The following YIPF4 variants were observed in gnomAD, a reference collection of about 807,000 sequenced individuals.
YIPF4 encodes the protein protein YIPF4.
YIPF4 carries 18 observed loss-of-function variants against 29.4 expected under a neutral mutation model. That is an observed-to-expected ratio of 0.61 (90% CI 0.42 to 0.91). The LOEUF (loss-of-function observed/expected upper bound fraction) is 0.91, where lower values mean the gene tolerates loss of function less well. Ranked by LOEUF, YIPF4 falls within the 40% of genes least tolerant of loss-of-function variation. YIPF4 has a pLI of 0.00. For missense variants in YIPF4, 279 were observed against 282.7 expected (o/e 0.99, Z 0.09); for synonymous variants, 115 against 104.7 (o/e 1.10, Z -0.60).
chr2:32,284,727 G>A (rs528543251), intron 1 of YIPF4, among the ~76,000 whole-genome samples: 3 of 152,150 alleles, frequency 2.0e-5, no homozygotes, highest in African/African-American at 7.2e-5. Context: ...GTATATCTGA[G>A]AACTGAAGAA....
chr2:32,292,820 C>A (rs896710373), intron 3 of YIPF4, among the ~76,000 whole-genome samples: 6 of 144,048 alleles, frequency 4.2e-5, no homozygotes, highest in Non-Finnish European at 7.5e-5. Context: ...GCCAAGATCA[C>A]GCCACTGCAC....
intron 4 of YIPF4, among the ~76,000 whole-genome samples, chr2:32,300,220 C>T (rs1001203381): frequency 6.6e-6 from 1 of 151,892 alleles, no homozygotes; most frequent in African/African-American, 2.4e-5. Context: ...GAGCCATGAT[C>T]GCAACATTGC....
intron 1 of YIPF4, among the ~76,000 whole-genome samples, chr2:32,283,776 G>T (rs1481037182): frequency 1.3e-5 from 2 of 150,250 alleles, no homozygotes. Flanking sequence ...GGAGTGCAAT[G>T]GCGCAATCTT....
Position 32,292,243 on chromosome 2 carries a change from A to T in YIPF4, c.300A>T (p.Pro100=), listed in dbSNP as rs1307814899. Residue 100 remains proline, a synonymous_variant, in exon 3 of 6, where the codon CCA becomes CCT. Coordinates refer to ENST00000238831, the MANE Select transcript of YIPF4 (RefSeq NM_032312.4). ...YKIRCVLMPM[P]SLGFNRQVVR... ...TCCGATGTGTTTTGATGCCAATGCC[A>T]TCACTTGGTTTTAATAGACAAGTGG... is the stretch of plus-strand genomic sequence containing the variant. 6.2e-7 allele frequency: 1 copy of T among 1,604,476 alleles called. No homozygotes were observed. The highest frequency in any genetic ancestry group is 1.1e-5 in the South Asian group (1 of 88,996).
At chr2:32,303,045 A>G (rs1300130626) in intron 5 of YIPF4, among the ~76,000 whole-genome samples, 1 of 152,092 alleles carries the variant, frequency 6.6e-6, no homozygotes, top group Non-Finnish European at 1.5e-5. Flanking sequence ...ACTTAACTAT[A>G]TTTTAGGGTT....
rs2031718034 is a variant in YIPF4, at chr2:32,311,662, G to A, written c.*6036G>A. On this transcript the variant is annotated 3_prime_UTR_variant, in exon 6 of 6. Coordinates refer to ENST00000238831, the MANE Select transcript of YIPF4 (RefSeq NM_032312.4). ...CAAGTTGTTAATACTTACGAAAAAA[G>A]GAAGCATTCCCACCTGTAATAATTT... is the stretch of plus-strand genomic sequence containing the variant. The A allele has an allele frequency of 1.3e-5, 2 of 152,168 alleles. No homozygotes were observed. The highest frequency in any genetic ancestry group is 4.1e-4 in the South Asian group (2 of 4,824). The allele number at this position is 152,168 out of a possible 1,614,324, so 9.4% of individuals were successfully genotyped here. A position where few individuals can be genotyped will look rare whatever the true frequency, so the allele number is the denominator to read the frequency against.
Position 32,306,353 on chromosome 2 carries a change from A to G in YIPF4, c.*727A>G, listed in dbSNP as rs2031581785. Reference sequence around the variant, plus strand: ...TTGAATGTCCAAACATCTGATTTAAAGTTTCTGTTTATCTTTCTGACCAAA... The same window carrying G: ...TTGAATGTCCAAACATCTGATTTAAGGTTTCTGTTTATCTTTCTGACCAAA... On this transcript the variant is annotated 3_prime_UTR_variant, in exon 6 of 6. Transcript: ENST00000238831. 3 of 985,770 alleles carry G rather than the reference A, an allele frequency of 3.0e-6. No individual in the cohort carries two copies. The highest frequency in any genetic ancestry group is 3.6e-6 in the Non-Finnish European group (3 of 829,878). The allele number at this position is 985,770 out of a possible 1,614,324, so 61.1% of individuals were successfully genotyped here. A position where few individuals can be genotyped will look rare whatever the true frequency, so the allele number is the denominator to read the frequency against.
Position 32,306,424 on chromosome 2 carries a change from A to G in YIPF4, c.*798A>G. 5.1e-6 allele frequency: 5 copies of G among 983,920 alleles called. No homozygotes were observed. Among genetic ancestry groups the G allele is most frequent in the South Asian group, 4.7e-5 (1 of 21,248 alleles). The allele number at this position is 983,920 out of a possible 1,614,324, so 60.9% of individuals were successfully genotyped here. On this transcript the variant is annotated 3_prime_UTR_variant, in exon 6 of 6. Transcript: ENST00000238831. ...TATGGCATTCATTAAAATCTTTACT[A>G]TGTACAAAAACAGTAATATTTACAG...
intron 1 of YIPF4, among the ~76,000 whole-genome samples, chr2:32,279,342 A>C (rs1288803243): frequency 2.0e-5 from 3 of 151,154 alleles, no homozygotes; most frequent in Non-Finnish European, 4.4e-5. Context: ...CTGCTATGAA[A>C]TCATAAATTA....
rs774902708 is a variant in YIPF4 at position 32,306,382 on chromosome 2, G to A, written c.*756G>A. On this transcript the variant is annotated 3_prime_UTR_variant, in exon 6 of 6. Transcript: ENST00000238831. ...TCTGTTTATCTTTCTGACCAAAGGA[G>A]CAAGAGGTATAATGGATATGGCATT... The A allele has an allele frequency of 2.2e-4, 213 of 985,538 alleles. No homozygotes were observed. The highest frequency in any genetic ancestry group is 1.0e-3 in the Middle Eastern group (2 of 1,934). The allele number at this position is 985,538 out of a possible 1,614,324, so 61.0% of individuals were successfully genotyped here.
intron 3 of YIPF4, among the ~76,000 whole-genome samples, chr2:32,294,559 C>G (rs1476296507): frequency 6.6e-6 from 1 of 151,292 alleles, no homozygotes; most frequent in Admixed American, 6.6e-5. Context: ...GGCGGCCGGG[C>G]AGAGACGCTC....
chr2:32,295,415 T>C (rs1171554901), intron 3 of YIPF4, among the ~76,000 whole-genome samples: 3 of 152,306 alleles, frequency 2.0e-5, no homozygotes, highest in African/African-American at 7.2e-5. Flanking sequence ...GAGTCCAAAA[T>C]GAGTCTTAAA....
intron 1 of YIPF4, among the ~76,000 whole-genome samples, chr2:32,286,186 A>G (rs1444548282): frequency 6.6e-6 from 1 of 152,182 alleles, no homozygotes; most frequent in African/African-American, 2.4e-5. Flanking sequence ...ACACACACAA[A>G]TGAGTGCATG....
intron 5 of YIPF4, 28 bp from the exon 6 acceptor site, chr2:32,305,461 C>A: frequency 6.9e-7 from 1 of 1,452,720 alleles, no homozygotes; most frequent in South Asian, 1.7e-5. Flanking sequence ...TAATATGCTG[C>A]CTTTTGTCTT....
chr2:32,303,715 C>G (rs2031482166), intron 5 of YIPF4, among the ~76,000 whole-genome samples: 1 of 152,184 alleles, frequency 6.6e-6, no homozygotes, highest in Admixed American at 6.5e-5. Context: ...ATTTTGAGAT[C>G]ATCTTTGTGT....
rs1459135675 is a variant in YIPF4, at chr2:32,310,082, C to T, written c.*4456C>T. 6.6e-6 allele frequency: 1 copy of T among 152,222 alleles called. No homozygotes were observed. Among genetic ancestry groups the T allele is most frequent in the Non-Finnish European group, 1.5e-5 (1 of 68,044 alleles). 9.4% of individuals were successfully genotyped at this position (152,222 alleles called of 1,614,324 possible). ...CAAGTCTTAACAGAGCTAAAAATCA[C>T]CCTTACCCAATTCTCTGCACTGACA... On this transcript the variant is annotated 3_prime_UTR_variant, in exon 6 of 6. Coordinates refer to ENST00000238831, the MANE Select transcript of YIPF4 (RefSeq NM_032312.4).
intron 2 of YIPF4, 105 bp from the exon 3 acceptor site, chr2:32,292,072 T>G: frequency 3.0e-5 from 20 of 676,302 alleles, no homozygotes; most frequent in Non-Finnish European, 3.6e-5. Flanking sequence ...TGTTGACCTA[T>G]GGAGATTATA....
In YIPF4 at chr2:32,307,096, A is replaced by T. The variant is rs1420422092; in HGVS notation, c.*1470A>T. 1.5e-6 allele frequency: 2 copies of T among 1,291,976 alleles called. No homozygotes were observed. The highest frequency in any genetic ancestry group is 2.0e-6 in the Non-Finnish European group (2 of 985,026). The allele number at this position is 1,291,976 out of a possible 1,614,324, so 80.0% of individuals were successfully genotyped here. A position where few individuals can be genotyped will look rare whatever the true frequency, so the allele number is the denominator to read the frequency against. On this transcript the variant is annotated 3_prime_UTR_variant, in exon 6 of 6. Transcript: ENST00000238831. ...GAAAATTACATGTACTGATTTTTTT[A>T]AAAACAGGTGAGAAGCACCAGAGGG...
chr2:32,288,932 A>C (rs1251423292), intron 1 of YIPF4, among the ~76,000 whole-genome samples: 2 of 152,184 alleles, frequency 1.3e-5, no homozygotes, highest in Admixed American at 1.3e-4. Context: ...ACACCACTGC[A>C]CTCCAGCCTG....
Sources: allele counts gnomAD v4.1 joint callset (sites outside exome capture counted in the v4.1 genomes callset), GRCh38; gene constraint gnomAD v4.1.1; transcripts MANE v1.5; gene names NCBI Gene and HGNC (gene_info 2026-07-23, HGNC 2026-07-21).